Variants in LRP1B observed in about 807,000 individuals in gnomAD.
LRP1B encodes low-density lipoprotein receptor-related protein 1B.
In LRP1B, 217 loss-of-function variants were observed where a neutral mutation model predicts 556.6. The ratio of observed to expected loss-of-function variants is 0.39; its 90% CI spans 0.35 to 0.44. The LOEUF (loss-of-function observed/expected upper bound fraction) is 0.44, where lower values mean the gene tolerates loss of function less well. Among genes scored for constraint, LRP1B ranks in the 20% least tolerant of loss-of-function variants. LRP1B has a pLI of 1.00. For synonymous variants in LRP1B, 2,047 were observed against 1,865.8 expected, an observed-to-expected ratio of 1.10 and a Z score of -2.50; for missense variants, 5,053 against 5,620.8, an observed-to-expected ratio of 0.90 and a Z score of 3.23.
At chr2:141,115,695 G>A (rs192807092) in intron 7 of LRP1B, among the ~76,000 whole-genome samples, 193 of 151,466 alleles carry the variant, frequency 1.3e-3, no homozygotes, top group Middle Eastern at 6.8e-3. Context: ...TGTTAGCCAG[G>A]ACGGTCTCGA....
intron 43 of LRP1B, among the ~76,000 whole-genome samples, chr2:140,542,180 T>A (rs1183833910): frequency 6.6e-6 from 1 of 152,092 alleles, no homozygotes; most frequent in African/African-American, 2.4e-5. Flanking sequence ...GTGCTTGCAG[T>A]GTGTTTACAT....
chr2:141,928,775 AGCAGGAAAG>A (rs1015864126), intron 1 of LRP1B, among the ~76,000 whole-genome samples: 1 of 152,124 alleles, frequency 6.6e-6, no homozygotes, highest in Non-Finnish European at 1.5e-5. Context: ...CAAAGACTGG[AGCAGGAAAG>A]GCAGGAGAAG....
At chr2:141,765,246 T>G (rs1694698348) in intron 2 of LRP1B, among the ~76,000 whole-genome samples, 1 of 152,210 alleles carries the variant, frequency 6.6e-6, no homozygotes, top group African/African-American at 2.4e-5. Context: ...ACAATACATT[T>G]AAGATATTTT....
At chr2:140,825,864 C>G (rs564726193) in intron 31 of LRP1B, among the ~76,000 whole-genome samples, 28 of 152,306 alleles carry the variant, frequency 1.8e-4, no homozygotes, top group African/African-American at 6.7e-4. Context: ...TGCTTACTTT[C>G]ATGTGTCAAC....
intron 41 of LRP1B, among the ~76,000 whole-genome samples, chr2:140,674,069 C>T (rs1685584277): frequency 6.6e-6 from 1 of 151,830 alleles, no homozygotes; most frequent in South Asian, 2.1e-4. Context: ...CTGCCTCAGC[C>T]CCCTGAGAAG....
intron 31 of LRP1B, among the ~76,000 whole-genome samples, chr2:140,828,444 C>T (rs1691587164): frequency 1.4e-5 from 2 of 145,228 alleles, no homozygotes; most frequent in South Asian, 4.6e-4. Context: ...CCCGTCTCTA[C>T]TAAAAATACA....
intron 2 of LRP1B, among the ~76,000 whole-genome samples, chr2:141,531,603 A>G (rs1676457407): frequency 6.6e-6 from 1 of 152,184 alleles, no homozygotes; most frequent in Non-Finnish European, 1.5e-5. Context: ...TTGCTGCTTA[A>G]CCAAGAGCAC....
chr2:141,041,152 G>A (rs570838650), intron 11 of LRP1B, among the ~76,000 whole-genome samples: 30 of 152,168 alleles, frequency 2.0e-4, no homozygotes, highest in Admixed American at 5.2e-4. Context: ...TCAGGTGGAA[G>A]CATGTGCACC....
intron 86 of LRP1B, among the ~76,000 whole-genome samples, chr2:140,254,480 G>A (rs1045216320): frequency 1.3e-5 from 2 of 152,088 alleles, no homozygotes; most frequent in Admixed American, 6.6e-5. Context: ...CAGATATCTG[G>A]TACTTCAGCA....
At chr2:141,052,916 G>A (rs1171965389) in intron 10 of LRP1B, among the ~76,000 whole-genome samples, 1 of 151,984 alleles carries the variant, frequency 6.6e-6, no homozygotes, top group Non-Finnish European at 1.5e-5. Context: ...GAAATCACAG[G>A]CCTGAGCCAC....
chr2:141,049,110 C>T lies in LRP1B; in HGVS notation c.1665G>A (p.Leu555=), dbSNP rs763729515. 4.3e-6 allele frequency: 7 copies of T among 1,613,372 alleles called. No homozygotes were observed. Among genetic ancestry groups the T allele is most frequent in the Admixed American group, 1.7e-5 (1 of 59,908 alleles). The change falls in exon 11 of 91, where the codon CTG becomes CTA. Residue 555 remains leucine (L), a synonymous_variant. Coordinates refer to ENST00000389484, the MANE Select transcript of LRP1B (RefSeq NM_018557.3). ...ADEYMIPIEN[L]VNPRALDFHA... is the part of the protein sequence containing the mutation. Reference sequence around the variant, plus strand: ...GAAAGTCTAAAGCACGAGGGTTTACCAGATTTTCTATGGGGATCATGTATT... The same window carrying T: ...GAAAGTCTAAAGCACGAGGGTTTACTAGATTTTCTATGGGGATCATGTATT...
At chr2:141,375,541 T>A (rs539806050) in intron 3 of LRP1B, among the ~76,000 whole-genome samples, 1 of 152,182 alleles carries the variant, frequency 6.6e-6, no homozygotes, top group East Asian at 1.9e-4. Flanking sequence ...CGGGCTACTC[T>A]CCAGTCCCAC....
intron 7 of LRP1B, among the ~76,000 whole-genome samples, chr2:141,088,580 T>G (rs16845399): frequency 0.016 from 2,423 of 152,272 alleles, 92 homozygotes; most frequent in East Asian, 0.14. Flanking sequence ...GGTGAGGCAC[T>G]TATATTTCCT....
intron 7 of LRP1B, among the ~76,000 whole-genome samples, chr2:141,080,228 C>A (rs1191362557): frequency 6.6e-6 from 1 of 152,170 alleles, no homozygotes; most frequent in African/African-American, 2.4e-5. Context: ...CCCTCTCTGG[C>A]AGGCATTTGC....
chr2:141,351,504 C>T (rs1179880548), intron 3 of LRP1B, among the ~76,000 whole-genome samples: 1 of 151,942 alleles, frequency 6.6e-6, no homozygotes, highest in Non-Finnish European at 1.5e-5. Context: ...AACCTTAATT[C>T]AGTACAAGGC....
intron 41 of LRP1B, among the ~76,000 whole-genome samples, chr2:140,607,976 CCCA>C (rs1387399235): frequency 6.6e-6 from 1 of 151,498 alleles, no homozygotes; most frequent in East Asian, 1.9e-4. Flanking sequence ...TTTGTTTCTC[CCCA>C]CATCAGTAAA....
rs558920963 is a variant in LRP1B, at chr2:140,290,821, G to A, written c.12967+6987C>T. 4.9e-4 allele frequency among the ~76,000 whole-genome samples: 75 copies of A among 152,096 alleles called. 2 individuals carry two copies. In the South Asian group the frequency reaches 0.014, roughly 28 times the overall value. On this transcript the variant is annotated intron_variant, in intron 84 of 90. Coordinates refer to ENST00000389484, the MANE Select transcript of LRP1B (RefSeq NM_018557.3). Reference sequence around the variant, plus strand: ...GTGTTCTAGTGAGTCTCTAAAAGTCGCAGCATGGTGGGCAGGATATTGAAT... The same window carrying A: ...GTGTTCTAGTGAGTCTCTAAAAGTCACAGCATGGTGGGCAGGATATTGAAT...
chr2:140,272,249 GCACACACAAACACA>G (rs1558761891), intron 85 of LRP1B, among the ~76,000 whole-genome samples: 3 of 72,828 alleles, frequency 4.1e-5, no homozygotes, highest in South Asian at 1.2e-3. Context: ...CAGCGTATGT[GCACACACAAACACA>G]CACACACACA....
chr2:141,108,024 G>T (rs1700651279), intron 7 of LRP1B, among the ~76,000 whole-genome samples: 1 of 152,000 alleles, frequency 6.6e-6, no homozygotes, highest in Non-Finnish European at 1.5e-5. Flanking sequence ...TGTTTAAACA[G>T]AAAAATAGTC....
Sources: gnomAD v4.1 joint callset for allele counts (sites outside exome capture counted in the v4.1 genomes callset) on GRCh38, gnomAD v4.1.1 for gene constraint, MANE v1.5 for transcripts, NCBI Gene and HGNC (gene_info 2026-07-23, HGNC 2026-07-21) for gene names.